GCNT2: variants seen among roughly 807,000 people sequenced by gnomAD.
GCNT2 encodes the protein glucosaminyl (N-acetyl) transferase 2 (I blood group), also known as N-acetyllactosaminide beta-1,6-N-acetylglucosaminyl-transferase.
GCNT2 carries 34 observed loss-of-function variants against 34.2 expected under a neutral mutation model. The observed-to-expected ratio is 1.00, with a 90% confidence interval of 0.76 to 1.32. The LOEUF (loss-of-function observed/expected upper bound fraction) is 1.32, where lower values mean the gene tolerates loss of function less well. Among genes scored for constraint, GCNT2 ranks in the 40% most tolerant of loss-of-function variants. GCNT2 has a pLI of 0.00. For missense variants in GCNT2, 584 were observed against 489.4 expected, an observed-to-expected ratio of 1.19 and a Z score of -1.82; for synonymous variants, 212 against 188.0, an observed-to-expected ratio of 1.13 and a Z score of -1.04.
chr6:10,551,660 G>A lies in GCNT2; in HGVS notation c.925+21824G>A, dbSNP rs1762485558. On this transcript the variant is annotated intron_variant, in intron 3 of 4. Coordinates refer to ENST00000495262, the MANE Select transcript of GCNT2 (RefSeq NM_145649.5). ...GGGTTTCACCATCTTGGCCAGGCTGGTCTTGAACTCCTGACCTCGTGATCC... is the reference window on the plus strand; with the variant it reads ...GGGTTTCACCATCTTGGCCAGGCTGATCTTGAACTCCTGACCTCGTGATCC... Among the ~76,000 whole-genome samples the A allele has an allele frequency of 3.3e-5, 5 of 152,142 alleles. No individual in the cohort carries two copies. The South Asian group carries it at 1.0e-3, about 32-fold the overall frequency.
intron 3 of GCNT2, among the ~76,000 whole-genome samples, chr6:10,562,568 T>G (rs1383540071): frequency 6.7e-6 from 1 of 148,782 alleles, no homozygotes; most frequent in Non-Finnish European, 1.5e-5. Flanking sequence ...AAATAAATTA[T>G]TCACCAGGCA....
intron 3 of GCNT2, among the ~76,000 whole-genome samples, chr6:10,553,635 T>C (rs982461916): frequency 1.8e-4 from 28 of 152,376 alleles, no homozygotes; most frequent in African/African-American, 6.5e-4. Flanking sequence ...GGCTCACGCC[T>C]GTAATCCCAG....
chr6:10,603,011 A>G (rs930594908), intron 3 of GCNT2, among the ~76,000 whole-genome samples: 1 of 152,224 alleles, frequency 6.6e-6, no homozygotes, highest in African/African-American at 2.4e-5. Flanking sequence ...TACCTAGGTC[A>G]AGCTGTGAAC....
At position 10,556,455 on chromosome 6, in the gene GCNT2, T is replaced by C. The variant is rs375215732; in HGVS notation, c.925+26619T>C. On this transcript the variant is annotated intron_variant, in intron 3 of 4. Coordinates refer to ENST00000495262, the MANE Select transcript of GCNT2 (RefSeq NM_145649.5). The stretch of plus-strand genomic sequence containing the variant: ...TTATCAATGCGTTACCTCTTCATAA[T>C]TTCTGTCTCTAGTGTAATTATTTTT... 8 of 1,614,066 alleles carry C rather than the reference T, an allele frequency of 5.0e-6. No individual in the cohort carries two copies. The African/African-American group carries it at 1.1e-4, about 22-fold the overall frequency.
At chr6:10,578,759 C>T (rs192905236) in intron 3 of GCNT2, among the ~76,000 whole-genome samples, 1 of 152,174 alleles carries the variant, frequency 6.6e-6, no homozygotes, top group East Asian at 1.9e-4. Context: ...AGCTTATATT[C>T]TTGTGGAGGA....
chr6:10,537,698 CAAAAAAAAAAAAAAAAA>C (rs201257236), intron 3 of GCNT2, among the ~76,000 whole-genome samples: 1 of 83,228 alleles, frequency 1.2e-5, no homozygotes, highest in Non-Finnish European at 2.2e-5. Context: ...GATTCTGCCG[CAAAAAAAAAAAAAAAAA>C]AAAAAAAAAA....
At chr6:10,600,009 G>A (rs1341702838) in intron 3 of GCNT2, among the ~76,000 whole-genome samples, 1 of 152,200 alleles carries the variant, frequency 6.6e-6, no homozygotes, top group Non-Finnish European at 1.5e-5. Context: ...ATCATTTAAA[G>A]TGGAGAAACC....
intron 3 of GCNT2, among the ~76,000 whole-genome samples, chr6:10,577,634 G>A (rs1006000545): frequency 5.3e-5 from 8 of 152,082 alleles, no homozygotes; most frequent in Non-Finnish European, 8.8e-5. Flanking sequence ...TTCGCCTCCT[G>A]GGTTCAAGTG....
chr6:10,622,465 C>T (rs1302268248), intron 4 of GCNT2, among the ~76,000 whole-genome samples: 2 of 151,866 alleles, frequency 1.3e-5, no homozygotes, highest in Non-Finnish European at 2.9e-5. Flanking sequence ...ATCGCCTCTT[C>T]TTCTAAGGAG....
At chr6:10,544,912 C>T (rs1224101008) in intron 3 of GCNT2, among the ~76,000 whole-genome samples, 19 of 150,804 alleles carry the variant, frequency 1.3e-4, no homozygotes, top group Admixed American at 1.2e-3. Flanking sequence ...GCCACTGCAC[C>T]CCAGCCTTGG....
intron 3 of GCNT2, among the ~76,000 whole-genome samples, chr6:10,570,208 T>C (rs1763497419): frequency 1.3e-5 from 2 of 152,234 alleles, no homozygotes; most frequent in East Asian, 3.8e-4. Context: ...GTGTCGGGAT[T>C]ACAGGCATTA....
At chr6:10,535,755 A>G (rs1211573473) in intron 3 of GCNT2, among the ~76,000 whole-genome samples, 2 of 152,202 alleles carry the variant, frequency 1.3e-5, no homozygotes, top group Non-Finnish European at 2.9e-5. Context: ...TCCTGGGAGC[A>G]GGCTTTGTGG....
intron 3 of GCNT2, among the ~76,000 whole-genome samples, chr6:10,575,447 C>T (rs1223678101): frequency 2.0e-5 from 3 of 151,148 alleles, no homozygotes; most frequent in East Asian, 3.9e-4. Flanking sequence ...CTGCATCCTC[C>T]GACTCTTGGG....
Position 10,604,098 on chromosome 6 carries a change from T to C in GCNT2, c.926-17253T>C, listed in dbSNP as rs372715391. On this transcript the variant is annotated intron_variant, in intron 3 of 4. Transcript: ENST00000495262. ...TTTTAGTAGAGATGAGGTTTCACAA[T>C]GTTGGCCAGCATGGTCTCGATCTCC... 2.2e-4 allele frequency among the ~76,000 whole-genome samples: 33 copies of C among 152,162 alleles called. No individual in the cohort carries two copies. The East Asian group carries it at 5.4e-3, about 25-fold the overall frequency.
At chr6:10,550,995 AG>A (rs1762456594) in intron 3 of GCNT2, among the ~76,000 whole-genome samples, 2 of 152,204 alleles carry the variant, frequency 1.3e-5, no homozygotes, top group Non-Finnish European at 2.9e-5. Context: ...TTAATGAGTC[AG>A]TCACCCTCCC....
At position 10,563,690 on chromosome 6, in the gene GCNT2, C is replaced by T. The variant is rs533686373; in HGVS notation, c.925+33854C>T. ...CCAGGAGGCGGAGCTTGCAGTGAGC[C>T]GAGATTGTACCACTATGTTCCAGCC... is the stretch of plus-strand genomic sequence containing the variant. On this transcript the variant is annotated intron_variant, in intron 3 of 4. Transcript: ENST00000495262. 1.3e-4 allele frequency among the ~76,000 whole-genome samples: 19 copies of T among 144,880 alleles called. No individual in the cohort carries two copies. The South Asian group carries it at 3.1e-3, about 23-fold the overall frequency.
intron 3 of GCNT2, among the ~76,000 whole-genome samples, chr6:10,604,088 G>A (rs1173063384): frequency 6.6e-6 from 1 of 151,838 alleles, no homozygotes; most frequent in African/African-American, 2.4e-5. Flanking sequence ...GTAGAGATGA[G>A]GTTTCACAAT....
intron 3 of GCNT2, 27 bp downstream of exon 3, chr6:10,529,863 T>G (rs767054576): frequency 6.4e-7 from 1 of 1,551,230 alleles, no homozygotes; most frequent in Non-Finnish European, 8.9e-7. Context: ...ACTTTTATTT[T>G]TACGAATAAA....
chr6:10,626,004 A>AT (rs1165394343), intron 4 of GCNT2, among the ~76,000 whole-genome samples: 1 of 152,184 alleles, frequency 6.6e-6, no homozygotes, highest in Non-Finnish European at 1.5e-5. Context: ...ATATCTTAAT[A>AT]TTTTTGGATC....
Sources: gnomAD v4.1 joint callset for allele counts (sites outside exome capture counted in the v4.1 genomes callset) on GRCh38, gnomAD v4.1.1 for gene constraint, MANE v1.5 for transcripts, NCBI Gene and HGNC (gene_info 2026-07-23, HGNC 2026-07-21) for gene names.